The following HLTF variants were observed in gnomAD, a reference collection of about 807,000 sequenced individuals.
HLTF encodes the protein helicase like transcription factor, also known as DNA-dependent ATPase/E3 ubiquitin-protein ligase HLTF.
Under a neutral mutation model 129.4 loss-of-function variants are expected in HLTF, and 127 were observed. The observed-to-expected ratio is 0.98, with a 90% CI of 0.85 to 1.14. The LOEUF is 1.14. HLTF is among the 50% of genes most tolerant of loss of function. HLTF has a pLI of 0.00. For missense variants in HLTF, 1,139 were observed against 1,187.1 expected (o/e 0.96, Z 0.60); for synonymous variants, 332 against 388.8 (o/e 0.85, Z 1.72).
chr3:149,045,610 GT>G (rs1716486356), intron 18 of HLTF, among the ~76,000 whole-genome samples: 1 of 152,088 alleles, frequency 6.6e-6, no homozygotes, highest in South Asian at 2.1e-4. Context: ...CCTCACTGAA[GT>G]TTTTATGTTT....
At chr3:149,039,450 G>GT (rs1290968908) in intron 22 of HLTF, 131 bp downstream of exon 22, 3 of 608,552 alleles carry the variant, frequency 4.9e-6, no homozygotes, top group Non-Finnish European at 5.5e-6. Flanking sequence ...ATTCTCTATT[G>GT]TGACTCTGAA....
Position 149,031,587 on chromosome 3 carries a change from T to C in HLTF, c.*633A>G, listed in dbSNP as rs575946972. ...TACTACTTAACTAAAATGGAAAAAA[T>C]AGTACTCTTAACATAATCCCTAATT... On this transcript the variant is annotated 3_prime_UTR_variant, in exon 25 of 25. Transcript: ENST00000310053. 6 of 152,456 alleles carry C rather than the reference T, an allele frequency of 3.9e-5. No homozygotes were observed. Among genetic ancestry groups the C allele is most frequent in the East Asian group, 1.9e-4 (1 of 5,182 alleles). The allele number at this position is 152,456 out of a possible 1,614,324, so 9.4% of individuals were successfully genotyped here. A position where few individuals can be genotyped will look rare whatever the true frequency, so the allele number is the denominator to read the frequency against.
intron 13 of HLTF, among the ~76,000 whole-genome samples, chr3:149,058,281 C>T (rs138594573): frequency 6.6e-6 from 1 of 152,150 alleles, no homozygotes; most frequent in African/African-American, 2.4e-5. Context: ...GCCATGTTGC[C>T]CACCCCTGAT....
intron 2 of HLTF, among the ~76,000 whole-genome samples, chr3:149,077,403 G>A (rs1176179282): frequency 6.6e-6 from 1 of 152,046 alleles, no homozygotes; most frequent in Non-Finnish European, 1.5e-5. Context: ...TTATTCTCCT[G>A]AAGTTCCCCG....
intron 21 of HLTF, 70 bp downstream of exon 21, chr3:149,039,961 G>A: frequency 7.7e-7 from 1 of 1,305,806 alleles, no homozygotes. Context: ...TTACGATTTT[G>A]ATATACTGTG....
Position 149,060,908 on chromosome 3 carries a change from T to C in HLTF, c.1161-50A>G, listed in dbSNP as rs200841482. ...ATTTTTGGACCAACCCAAAGCAAAA[T>C]AAGATATACAAACATGTTTAATAAA... On this transcript the variant is annotated intron_variant, in intron 10 of 24. Coordinates refer to ENST00000310053, the MANE Select transcript of HLTF (RefSeq NM_003071.4). The C allele has an allele frequency of 3.4e-5, 41 of 1,201,030 alleles. No homozygotes were observed. The African/African-American group carries it at 3.5e-4, about 10-fold the overall frequency. The allele number at this position is 1,201,030 out of a possible 1,614,324, so 74.4% of individuals were successfully genotyped here. A position where few individuals can be genotyped will look rare whatever the true frequency, so the allele number is the denominator to read the frequency against.
chr3:149,077,723 G>A (rs1302001280), intron 2 of HLTF, among the ~76,000 whole-genome samples: 1 of 151,642 alleles, frequency 6.6e-6, no homozygotes, highest in East Asian at 1.9e-4. Context: ...GACCTGAGAA[G>A]GCCCTAAACG....
chr3:149,064,964 A>G, intron 8 of HLTF, 98 bp from the exon 9 acceptor site: 1 of 635,472 alleles, frequency 1.6e-6, no homozygotes, highest in Non-Finnish European at 2.6e-6. Context: ...CATAATAAAA[A>G]CGACTTAAAT....
intron 10 of HLTF, 42 bp from the exon 11 acceptor site, chr3:149,060,900 A>G (rs746291988): frequency 1.6e-6 from 2 of 1,289,948 alleles, no homozygotes; most frequent in Non-Finnish European, 2.2e-6. Flanking sequence ...GACCAACCCA[A>G]AGCAAAATAA....
chr3:149,064,907 G>T, intron 8 of HLTF, 41 bp from the exon 9 acceptor site: 1 of 1,141,814 alleles, frequency 8.8e-7, no homozygotes, highest in Non-Finnish European at 1.3e-6. Context: ...ACTGCTATCA[G>T]TTTTAAATAA....
intron 2 of HLTF, among the ~76,000 whole-genome samples, chr3:149,081,672 A>T (rs1378630129): frequency 6.6e-6 from 1 of 152,250 alleles, no homozygotes; most frequent in Non-Finnish European, 1.5e-5. Context: ...AAGGCATATA[A>T]AATTATGTTC....
At chr3:149,083,661 G>C (rs1301149333) in intron 2 of HLTF, 1 of 151,510 alleles carries the variant, frequency 6.6e-6, no homozygotes, top group Non-Finnish European at 1.5e-5. Context: ...CAGCATCCCA[G>C]CACTTGGAGA....
At chr3:149,071,967 C>G in intron 5 of HLTF, among the ~76,000 whole-genome samples, 1 of 152,100 alleles carries the variant, frequency 6.6e-6, no homozygotes. Context: ...ATGGGAGGAT[C>G]ACTTCAGCCT....
At position 149,031,927 on chromosome 3, in the gene HLTF, G is replaced by A. The variant is rs1715091565; in HGVS notation, c.*293C>T. 1 of 187,656 alleles carries A rather than the reference G, an allele frequency of 5.3e-6. No individual in the cohort carries two copies. The highest frequency in any genetic ancestry group is 1.1e-5 in the Non-Finnish European group (1 of 92,348). The allele number at this position is 187,656 out of a possible 1,614,324, so 11.6% of individuals were successfully genotyped here. A position where few individuals can be genotyped will look rare whatever the true frequency, so the allele number is the denominator to read the frequency against. ...GAAATACGAAAAAGCTGAGTACTTG[G>A]AAGATACGTGAAAATACTCAGCATA... On this transcript the variant is annotated 3_prime_UTR_variant, in exon 25 of 25. Transcript: ENST00000310053.
In HLTF at chr3:149,030,790, A is replaced by G. The variant is rs370806697; in HGVS notation, c.*1430T>C. On this transcript the variant is annotated 3_prime_UTR_variant, in exon 25 of 25. Coordinates refer to ENST00000310053, the MANE Select transcript of HLTF (RefSeq NM_003071.4). ...ACTGCCTCAAAAAGGGACCAGGAAG[A>G]TTCTAGCTGGCTAATTCACTGTTCC... The G allele has an allele frequency of 1.3e-5, 2 of 152,220 alleles. No individual in the cohort carries two copies. Among genetic ancestry groups the G allele is most frequent in the South Asian group, 2.1e-4 (1 of 4,826 alleles). The allele number at this position is 152,220 out of a possible 1,614,324, so 9.4% of individuals were successfully genotyped here.
At chr3:149,047,933 AAG>A in intron 17 of HLTF, 93 bp downstream of exon 17, 2 of 1,000,584 alleles carry the variant, frequency 2.0e-6, no homozygotes, top group Non-Finnish European at 2.9e-6. Context: ...AGGAAAAGTT[AAG>A]AGTCAAGTTA....
intron 20 of HLTF, 178 bp from the exon 21 acceptor site, chr3:149,040,334 T>A (rs919553582): frequency 1.8e-6 from 1 of 557,686 alleles, no homozygotes; most frequent in Non-Finnish European, 3.1e-6. Context: ...CCAGACATAA[T>A]GTGGTAAGTA....
At chr3:149,032,488 C>G (rs1418255927) in intron 24 of HLTF, 116 bp from the exon 25 acceptor site, 3 of 593,966 alleles carry the variant, frequency 5.1e-6, no homozygotes, top group Non-Finnish European at 8.3e-6. Flanking sequence ...ACTTTTGCAC[C>G]AAACTATAAT....
chr3:149,084,400 A>G (rs1410119816), intron 2 of HLTF, among the ~76,000 whole-genome samples: 6 of 150,780 alleles, frequency 4.0e-5, no homozygotes, highest in Non-Finnish European at 7.4e-5. Flanking sequence ...CAACAAATCG[A>G]TGACATGAAC....
Sources: allele counts gnomAD v4.1 joint callset (sites outside exome capture counted in the v4.1 genomes callset), GRCh38; gene constraint gnomAD v4.1.1; transcripts MANE v1.5; gene names NCBI Gene and HGNC (gene_info 2026-07-23, HGNC 2026-07-21).